Variants in ZNF264 observed in about 807,000 individuals in gnomAD.
ZNF264 encodes the protein zinc finger protein 264.
A neutral mutation model predicts 11.2 loss-of-function variants in ZNF264; 11 were observed. The ratio of observed to expected loss-of-function variants is 0.98; its 90% CI spans 0.62 to 1.63. The LOEUF (loss-of-function observed/expected upper bound fraction) is 1.63, where lower values mean the gene tolerates loss of function less well. ZNF264 is among the 40% of genes most tolerant of loss of function. ZNF264 has a pLI of 0.00. For synonymous variants in ZNF264, 309 were observed against 279.8 expected (o/e 1.10, Z -1.04); for missense variants, 752 against 768.1 (o/e 0.98, Z 0.25).
chr19:57,199,773 T>C (rs2087237539), intron 2 of ZNF264, among the ~76,000 whole-genome samples: 1 of 151,888 alleles, frequency 6.6e-6, no homozygotes, highest in African/African-American at 2.4e-5. Context: ...ACTTTAGTTA[T>C]AGGTCTAGAA....
At chr19:57,191,979 C>T (rs998926487) in intron 1 of ZNF264, 33 bp downstream of exon 1, 1 of 1,516,568 alleles carries the variant, frequency 6.6e-7, no homozygotes, top group Non-Finnish European at 8.8e-7. Context: ...GTTGCCGCTT[C>T]CTTGCCAGCG....
chr19:57,198,369 T>C (rs2087227561), intron 2 of ZNF264, among the ~76,000 whole-genome samples: 1 of 151,994 alleles, frequency 6.6e-6, no homozygotes. Flanking sequence ...ATTCAAGTCC[T>C]TGATGGTGGC....
intron 2 of ZNF264, among the ~76,000 whole-genome samples, chr19:57,200,337 A>C (rs747867357): frequency 2.6e-5 from 4 of 151,118 alleles, no homozygotes; most frequent in African/African-American, 7.3e-5. Context: ...CTTTTTTGCC[A>C]TCCCCCAAAT....
At chr19:57,196,428 G>C (rs897499544) in intron 2 of ZNF264, among the ~76,000 whole-genome samples, 4 of 151,938 alleles carry the variant, frequency 2.6e-5, no homozygotes, top group African/African-American at 9.7e-5. Context: ...CTGCCGCCAG[G>C]TAGCTGGCTG....
In ZNF264 at chr19:57,205,431, C is replaced by G. The variant is rs757331409; in HGVS notation, c.195C>G (p.His65Gln). Residue 65 changes from histidine (H) to glutamine (Q), a missense_variant, in exon 3 of 4, where the codon CAC becomes CAG. By Grantham distance (24) the His-to-Gln change is conservative. Transcript: ENST00000263095. ...CPVPKAELIC[H>Q]LEHGQEPWTR... The stretch of plus-strand genomic sequence containing the variant: ...TTCCCAAAGCTGAGCTGATCTGCCA[C>G]CTAGAGCATGGGCAGGAGCCATGGA... 9.9e-6 allele frequency: 16 copies of G among 1,612,458 alleles called. No homozygotes were observed. The Admixed American group carries it at 2.7e-4, about 27-fold the overall frequency.
intron 2 of ZNF264, among the ~76,000 whole-genome samples, chr19:57,204,079 C>A (rs969798499): frequency 6.6e-6 from 1 of 151,986 alleles, no homozygotes; most frequent in African/African-American, 2.4e-5. Flanking sequence ...CCCAGCTCCT[C>A]GGGAGGCTGA....
At chr19:57,210,292 G>A (rs1270206151) in intron 3 of ZNF264, among the ~76,000 whole-genome samples, 1 of 152,126 alleles carries the variant, frequency 6.6e-6, no homozygotes, top group East Asian at 1.9e-4. Context: ...CAAGCTCAAG[G>A]TTAAGGACAC....
chr19:57,204,752 A>G (rs1259063431), intron 2 of ZNF264, among the ~76,000 whole-genome samples: 3 of 152,122 alleles, frequency 2.0e-5, no homozygotes, highest in Admixed American at 6.5e-5. Flanking sequence ...AGCCATTGCA[A>G]TCCTGTTGCC....
chr19:57,196,807 A>G (rs1457982337), intron 2 of ZNF264, among the ~76,000 whole-genome samples: 1 of 151,900 alleles, frequency 6.6e-6, no homozygotes, highest in Non-Finnish European at 1.5e-5. Flanking sequence ...TTTCTTTGTC[A>G]CCAACTTTCC....
chr19:57,202,575 T>C (rs529570627), intron 2 of ZNF264, among the ~76,000 whole-genome samples: 2 of 151,724 alleles, frequency 1.3e-5, no homozygotes, highest in South Asian at 4.1e-4. Flanking sequence ...TCCAACCCTA[T>C]ACCCTGGGAA....
chr19:57,195,350 A>G (rs1179827699), intron 2 of ZNF264, among the ~76,000 whole-genome samples: 1 of 152,228 alleles, frequency 6.6e-6, no homozygotes, highest in Non-Finnish European at 1.5e-5. Flanking sequence ...CATCACAAAC[A>G]TGTTTTTAAT....
In ZNF264 at chr19:57,212,627, C is replaced by A; in HGVS notation, c.1530C>A (p.Pro510=). ...RHKRIHSGEK[P]YECVECGKSF... ...AGCGGATTCATAGTGGAGAGAAGCCCTATGAATGTGTTGAGTGTGGGAAAT... is the reference window on the plus strand; with the variant it reads ...AGCGGATTCATAGTGGAGAGAAGCCATATGAATGTGTTGAGTGTGGGAAAT... The change falls in exon 4 of 4, where the codon CCC becomes CCA. Residue 510 remains proline, a synonymous_variant. Coordinates refer to ENST00000263095, the MANE Select transcript of ZNF264 (RefSeq NM_003417.5). The A allele has an allele frequency of 6.2e-7, 1 of 1,614,060 alleles. No homozygotes were observed. Among genetic ancestry groups the A allele is most frequent in the Middle Eastern group, 1.6e-4 (1 of 6,062 alleles).
rs1178645721 is a variant in ZNF264 at position 57,215,200 on chromosome 19, T to C, written c.*2219T>C. The C allele has an allele frequency of 6.6e-6, 1 of 152,220 alleles. No homozygotes were observed. The highest frequency in any genetic ancestry group is 1.9e-4 in the East Asian group (1 of 5,198). The allele number at this position is 152,220 out of a possible 1,614,324, so 9.4% of individuals were successfully genotyped here. On this transcript the variant is annotated 3_prime_UTR_variant, in exon 4 of 4. Coordinates refer to ENST00000263095, the MANE Select transcript of ZNF264 (RefSeq NM_003417.5). ...AGTCAACCATTGGGCCAGAGATTTT[T>C]CTTCTGGAGGCTTTTAAATTACATA...
In ZNF264 at chr19:57,213,899, A is replaced by G. The variant is rs2087360266; in HGVS notation, c.*918A>G. Reference sequence around the variant, plus strand: ...TTCCTTAAAGTATTTCATTAATGTTAAAAATTTTCAGCGTATAGATCCCTA... The same window carrying G: ...TTCCTTAAAGTATTTCATTAATGTTGAAAATTTTCAGCGTATAGATCCCTA... On this transcript the variant is annotated 3_prime_UTR_variant, in exon 4 of 4. Transcript: ENST00000263095. The G allele has an allele frequency of 6.6e-6, 1 of 152,170 alleles. No individual in the cohort carries two copies. The highest frequency in any genetic ancestry group is 1.5e-5 in the Non-Finnish European group (1 of 68,022). The allele number at this position is 152,170 out of a possible 1,614,324, so 9.4% of individuals were successfully genotyped here.
In ZNF264 at chr19:57,218,813, T is replaced by C. The variant is rs553506599; in HGVS notation, c.*5832T>C. 3 of 152,388 alleles carry C rather than the reference T, an allele frequency of 2.0e-5. No homozygotes were observed. The highest frequency in any genetic ancestry group is 2.1e-4 in the South Asian group (1 of 4,826). The allele number at this position is 152,388 out of a possible 1,614,324, so 9.4% of individuals were successfully genotyped here. ...GTATTTTCCAGTTGTTTAATTTCCA[T>C]TGGGTGGGTTCTTTTGTACACCTTC... is the stretch of plus-strand genomic sequence containing the variant. On this transcript the variant is annotated 3_prime_UTR_variant, in exon 4 of 4. Coordinates refer to ENST00000263095, the MANE Select transcript of ZNF264 (RefSeq NM_003417.5).
At chr19:57,196,653 G>A (rs565090316) in intron 2 of ZNF264, among the ~76,000 whole-genome samples, 1 of 152,000 alleles carries the variant, frequency 6.6e-6, no homozygotes, top group African/African-American at 2.4e-5. Context: ...AGGCTGAGTG[G>A]TGTCCACAGA....
chr19:57,205,060 A>G (rs1296607187), intron 2 of ZNF264, among the ~76,000 whole-genome samples: 1 of 152,172 alleles, frequency 6.6e-6, no homozygotes, highest in Non-Finnish European at 1.5e-5. Context: ...GTCTAGAGGA[A>G]GAGCATTATA....
rs546685071 is a variant in ZNF264 at position 57,217,161 on chromosome 19, A to G, written c.*4180A>G. On this transcript the variant is annotated 3_prime_UTR_variant, in exon 4 of 4. Transcript: ENST00000263095. ...TTCAAGTGTGGTTTCTACTGAATGC[A>G]TGTCGCATTCGCACCATTGTAAAGT... is the stretch of plus-strand genomic sequence containing the variant. 6.6e-6 allele frequency: 1 copy of G among 152,348 alleles called. No homozygotes were observed. The highest frequency in any genetic ancestry group is 2.1e-4 in the South Asian group (1 of 4,832). 9.4% of individuals were successfully genotyped at this position (152,348 alleles called of 1,614,324 possible). A position where few individuals can be genotyped will look rare whatever the true frequency, so the allele number is the denominator to read the frequency against.
At position 57,211,719 on chromosome 19, in the gene ZNF264, T is replaced by G; in HGVS notation, c.622T>G (p.Cys208Gly). The change falls in exon 4 of 4, where the codon TGT becomes GGT. Residue 208 changes from cysteine (C) to glycine (G), a missense_variant. By Grantham distance (159) the Cys-to-Gly change is radical. Transcript: ENST00000263095. Reference protein sequence around the residue: ...EEENNFKCSECGKVFNKKHLL... With the variant: ...EEENNFKCSEGGKVFNKKHLL... ...GGAAAATAACTTTAAATGCAGTGAATGTGGAAAAGTATTTAACAAGAAACA... is the reference window on the plus strand; with the variant it reads ...GGAAAATAACTTTAAATGCAGTGAAGGTGGAAAAGTATTTAACAAGAAACA... The G allele has an allele frequency of 1.2e-6, 2 of 1,614,156 alleles. No individual in the cohort carries two copies.
Sources: allele counts gnomAD v4.1 joint callset (sites outside exome capture counted in the v4.1 genomes callset), GRCh38; gene constraint gnomAD v4.1.1; transcripts MANE v1.5; gene names NCBI Gene and HGNC (gene_info 2026-07-23, HGNC 2026-07-21).